Variants in MMP26 observed in about 807,000 individuals in gnomAD.
The protein encoded by MMP26 is matrix metalloproteinase-26.
MMP26 carries 33 observed loss-of-function variants against 31.0 expected under a neutral mutation model. The observed-to-expected ratio is 1.06, with a 90% CI of 0.81 to 1.42. MMP26 has a LOEUF of 1.42. Among genes scored for constraint, MMP26 ranks in the 40% most tolerant of loss-of-function variants. The pLI, the probability that MMP26 is intolerant of heterozygous loss-of-function variation, is 0.00. For missense variants in MMP26, 347 were observed against 316.1 expected, an observed-to-expected ratio of 1.10 and a Z score of -0.74; for synonymous variants, 122 against 114.9, an observed-to-expected ratio of 1.06 and a Z score of -0.40.
At chr11:4,904,209 A>G (rs548234715) in intron 2 of MMP26, among the ~76,000 whole-genome samples, 2 of 152,222 alleles carry the variant, frequency 1.3e-5, no homozygotes, top group East Asian at 3.9e-4. Context: ...ACTCTGAGGT[A>G]GATACCATTG....
chr11:4,919,441 A>T (rs1851149046), intron 2 of MMP26: 1 of 152,196 alleles, frequency 6.6e-6, no homozygotes, highest in African/African-American at 2.4e-5. Context: ...AAGGATCTTT[A>T]ACCAATTCCC....
intron 2 of MMP26, among the ~76,000 whole-genome samples, chr11:4,850,166 C>A (rs1441521808): frequency 1.3e-5 from 2 of 152,088 alleles, no homozygotes; most frequent in African/African-American, 2.4e-5. Flanking sequence ...CTTATCTACT[C>A]TCATGACATC....
intron 1 of MMP26, among the ~76,000 whole-genome samples, chr11:4,706,702 T>C (rs957406348): frequency 2.0e-5 from 3 of 152,028 alleles, no homozygotes; most frequent in African/African-American, 7.2e-5. Context: ...ATGTTGTATA[T>C]CAGATCTCTG....
rs985752911 is a variant in MMP26 at position 4,801,292 on chromosome 11, A to G, written c.-145+33951A>G. On this transcript the variant is annotated intron_variant, in intron 2 of 7. Transcript: ENST00000380390. ...CAAATTTCCTTTGTTAGTCCATTGC[A>G]TCACGATAAAAAAATATCTGAGGCT... Among the ~76,000 whole-genome samples, 7 of 152,142 alleles carry G rather than the reference A, an allele frequency of 4.6e-5. 1 individual carries two copies. Among genetic ancestry groups the G allele is most frequent in the Non-Finnish European group, 2.9e-5 (2 of 68,042 alleles).
At chr11:4,763,580 C>T (rs1237422117) in intron 1 of MMP26, among the ~76,000 whole-genome samples, 1 of 152,140 alleles carries the variant, frequency 6.6e-6, no homozygotes, top group Non-Finnish European at 1.5e-5. Context: ...GATGACATGG[C>T]TAGAAATACT....
At chr11:4,976,617 C>T (rs369301648) in intron 2 of MMP26, among the ~76,000 whole-genome samples, 7 of 151,966 alleles carry the variant, frequency 4.6e-5, no homozygotes, top group Non-Finnish European at 8.8e-5. Flanking sequence ...GCCCTTCTAC[C>T]TTGGTGCCTT....
At chr11:4,741,326 A>C (rs1269889954) in intron 1 of MMP26, among the ~76,000 whole-genome samples, 1 of 152,222 alleles carries the variant, frequency 6.6e-6, no homozygotes, top group East Asian at 1.9e-4. Context: ...AATATAAATC[A>C]TTCTACTATA....
chr11:4,797,207 A>T (rs1262499456), intron 2 of MMP26, among the ~76,000 whole-genome samples: 1 of 152,146 alleles, frequency 6.6e-6, no homozygotes, highest in African/African-American at 2.4e-5. Context: ...ATGACTGTTG[A>T]GGGTTAGTAA....
Position 4,949,852 on chromosome 11 carries a change from T to G in MMP26, c.-144-38216T>G, listed in dbSNP as rs1486623073. On this transcript the variant is annotated intron_variant, in intron 2 of 7. Transcript: ENST00000380390. Reference sequence around the variant, plus strand: ...ACTAAACTTATTTTAATGTATACCATTTGAACTAATGTATGTATACCCATT... The same window carrying G: ...ACTAAACTTATTTTAATGTATACCAGTTGAACTAATGTATGTATACCCATT... Among the ~76,000 whole-genome samples the G allele has an allele frequency of 2.4e-5, 3 of 123,720 alleles. 1 individual carries two copies. The highest frequency in any genetic ancestry group is 5.5e-5 in the Non-Finnish European group (3 of 54,376). The allele number at this position is 123,720 out of a possible 152,430, so 81.2% of individuals were successfully genotyped here.
intron 2 of MMP26, among the ~76,000 whole-genome samples, chr11:4,960,405 A>G (rs940292738): frequency 2.0e-5 from 3 of 151,878 alleles, no homozygotes; most frequent in Non-Finnish European, 2.9e-5. Context: ...TCAACTGTCA[A>G]ACATCTTTAT....
intron 2 of MMP26, among the ~76,000 whole-genome samples, chr11:4,802,348 T>C (rs1849195092): frequency 1.3e-5 from 2 of 152,338 alleles, no homozygotes; most frequent in South Asian, 4.1e-4. Context: ...TGAATAGAAA[T>C]TTAAAATGTT....
chr11:4,917,944 A>C (rs748014876), intron 2 of MMP26, among the ~76,000 whole-genome samples: 39 of 151,096 alleles, frequency 2.6e-4, no homozygotes, highest in Non-Finnish European at 4.0e-4. Context: ...TTTTAATGTC[A>C]AAATAAACCT....
At position 4,958,062 on chromosome 11, in the gene MMP26, T is replaced by C. The variant is rs74052697; in HGVS notation, c.-144-30006T>C. Among the ~76,000 whole-genome samples the C allele has an allele frequency of 3.2e-3, 493 of 152,318 alleles. 1 individual carries two copies. Among genetic ancestry groups the C allele is most frequent in the African/African-American group, 0.011 (463 of 41,576 alleles). ...TTCACTCCCAACAAGAGTTTAACTG[T>C]GAGATTAACTGCAATTAATTTGTAA... On this transcript the variant is annotated intron_variant, in intron 2 of 7. Coordinates refer to ENST00000380390, the MANE Select transcript of MMP26 (RefSeq NM_021801.5).
At chr11:4,964,138 G>T (rs1483669646) in intron 2 of MMP26, among the ~76,000 whole-genome samples, 1 of 151,872 alleles carries the variant, frequency 6.6e-6, no homozygotes, top group Non-Finnish European at 1.5e-5. Flanking sequence ...GTCAATTTTT[G>T]GTTTTGTTGC....
rs759143429 is a variant in MMP26 at position 4,923,661 on chromosome 11, C to T, written c.-144-64407C>T. 8.7e-6 allele frequency: 14 copies of T among 1,613,876 alleles called. No individual in the cohort carries two copies. In the South Asian group the frequency reaches 1.1e-4, roughly 13 times the overall value. ...TCCTGGTGGGAGGCAATGCTGAGCA[C>T]GGTGCGAAGGATGAGGGCGTATGAG... is the stretch of plus-strand genomic sequence containing the variant. On this transcript the variant is annotated intron_variant, in intron 2 of 7. Coordinates refer to ENST00000380390, the MANE Select transcript of MMP26 (RefSeq NM_021801.5).
rs542772347 is a variant in MMP26 at position 4,831,123 on chromosome 11, A to G, written c.-145+63782A>G. Among the ~76,000 whole-genome samples the G allele has an allele frequency of 2.0e-5, 3 of 152,162 alleles. No homozygotes were observed. The South Asian group carries it at 6.2e-4, about 32-fold the overall frequency. On this transcript the variant is annotated intron_variant, in intron 2 of 7. Transcript: ENST00000380390. ...GTTCCCCTTTCCTTCACTACTTTCT[A>G]TTTCTACCCACCACTTTCTAGTTTC...
chr11:4,759,356 A>G (rs1848544971), intron 1 of MMP26, among the ~76,000 whole-genome samples: 1 of 152,116 alleles, frequency 6.6e-6, no homozygotes, highest in South Asian at 2.1e-4. Flanking sequence ...TCAAGCACTT[A>G]AGACTTCATT....
intron 2 of MMP26, among the ~76,000 whole-genome samples, chr11:4,956,860 T>C (rs1846451013): frequency 6.6e-6 from 1 of 152,250 alleles, no homozygotes; most frequent in African/African-American, 2.4e-5. Flanking sequence ...TTACATTTTG[T>C]ACACAATAAT....
At position 4,831,060 on chromosome 11, in the gene MMP26, G is replaced by T. The variant is rs577952602; in HGVS notation, c.-145+63719G>T. On this transcript the variant is annotated intron_variant, in intron 2 of 7. Transcript: ENST00000380390. ...TAACTCGGGTCAATATGAGGCAAAG[G>T]TCCTTAAAAAATTTTGCAGCATACA... Among the ~76,000 whole-genome samples, 4 of 152,228 alleles carry T rather than the reference G, an allele frequency of 2.6e-5. No individual in the cohort carries two copies. The South Asian group carries it at 8.3e-4, about 32-fold the overall frequency.
Sources: gnomAD v4.1 joint callset for allele counts (sites outside exome capture counted in the v4.1 genomes callset) on GRCh38, gnomAD v4.1.1 for gene constraint, MANE v1.5 for transcripts, NCBI Gene and HGNC (gene_info 2026-07-23, HGNC 2026-07-21) for gene names.